CACNB2: variants seen among roughly 807,000 people sequenced by gnomAD.
The protein encoded by CACNB2 is voltage-dependent L-type calcium channel subunit beta-2.
CACNB2 carries 42 observed loss-of-function variants against 73.3 expected under a neutral mutation model. That is an observed-to-expected ratio of 0.57 (90% CI 0.45 to 0.74). CACNB2 has a LOEUF of 0.74. Ranked by LOEUF, CACNB2 falls within the 30% of genes least tolerant of loss-of-function variation. The pLI is 0.00. For missense variants in CACNB2, 940 were observed against 853.0 expected (o/e 1.10, Z -1.27); for synonymous variants, 348 against 310.3 (o/e 1.12, Z -1.28).
chr10:18,269,984 T>C (rs1302303813), intron 2 of CACNB2, among the ~76,000 whole-genome samples: 10 of 152,210 alleles, frequency 6.6e-5, no homozygotes, highest in Admixed American at 6.5e-4. Context: ...CAGGCTGTTA[T>C]TTTCTTCCCC....
At chr10:18,391,814 G>T (rs1046574188) in intron 2 of CACNB2, among the ~76,000 whole-genome samples, 1 of 150,144 alleles carries the variant, frequency 6.7e-6, no homozygotes, top group African/African-American at 2.5e-5. Flanking sequence ...TATAGTCCCA[G>T]CTACTCAGGA....
At chr10:18,440,878 C>G (rs992904994) in intron 3 of CACNB2, among the ~76,000 whole-genome samples, 1 of 152,104 alleles carries the variant, frequency 6.6e-6, no homozygotes, top group African/African-American at 2.4e-5. Context: ...GAGATGCAGG[C>G]CATGGGGAAG....
At chr10:18,331,508 C>CT (rs151152185) in intron 2 of CACNB2, among the ~76,000 whole-genome samples, 12,221 of 150,368 alleles carry the variant, frequency 0.081, 682 homozygotes, top group Non-Finnish European at 0.12. Context: ...TTTCTTCTGA[C>CT]TTTTTTTTAA....
intron 3 of CACNB2, among the ~76,000 whole-genome samples, chr10:18,421,888 C>G (rs1182669486): frequency 6.6e-6 from 1 of 152,108 alleles, no homozygotes. Context: ...CTCTCAGATA[C>G]TTGAGGAGAT....
intron 2 of CACNB2, among the ~76,000 whole-genome samples, chr10:18,249,462 TCTC>T (rs894888538): frequency 2.0e-5 from 3 of 152,144 alleles, no homozygotes; most frequent in Non-Finnish European, 4.4e-5. Flanking sequence ...CTTAAGAAAA[TCTC>T]CTTGAAAAAT....
intron 2 of CACNB2, among the ~76,000 whole-genome samples, chr10:18,275,196 C>G (rs981411723): frequency 6.6e-6 from 1 of 152,196 alleles, no homozygotes; most frequent in Non-Finnish European, 1.5e-5. Flanking sequence ...GCTCAGAGTT[C>G]CTACAGATAC....
intron 2 of CACNB2, among the ~76,000 whole-genome samples, chr10:18,398,868 G>C (rs557244159): frequency 1.3e-5 from 2 of 152,258 alleles, no homozygotes; most frequent in Admixed American, 6.5e-5. Context: ...TCATTGAAGA[G>C]ATTTTTGTTT....
Position 18,514,357 on chromosome 10 carries a change from C to T in CACNB2, c.792C>T (p.Pro264=), listed in dbSNP as rs778879250. ...CCCACTCCAAAGAGAAAAGAATGCCCTTCTTTAAGAAGGTAACATTAACTT... is the reference window on the plus strand; with the variant it reads ...CCCACTCCAAAGAGAAAAGAATGCCTTTCTTTAAGAAGGTAACATTAACTT... ...TSPHSKEKRM[P]FFKKTEHTPP... Residue 264 remains proline (P), a synonymous_variant, in exon 7 of 14, where the codon CCC becomes CCT. Coordinates refer to ENST00000324631, the MANE Select transcript of CACNB2 (RefSeq NM_201596.3). 1 of 1,614,102 alleles carries T rather than the reference C, an allele frequency of 6.2e-7. No individual in the cohort carries two copies. Among genetic ancestry groups the T allele is most frequent in the South Asian group, 1.1e-5 (1 of 91,084 alleles).
intron 3 of CACNB2, among the ~76,000 whole-genome samples, chr10:18,451,874 T>A (rs2047037953): frequency 6.6e-6 from 1 of 152,230 alleles, no homozygotes; most frequent in Admixed American, 6.5e-5. Flanking sequence ...TACATCTAGA[T>A]AGGGCTCTAT....
At chr10:18,409,704 G>A (rs1482458223) in intron 3 of CACNB2, among the ~76,000 whole-genome samples, 1 of 152,140 alleles carries the variant, frequency 6.6e-6, no homozygotes, top group Non-Finnish European at 1.5e-5. Flanking sequence ...ATTGGGGAGG[G>A]ACTGAAGAAC....
chr10:18,405,193 T>G (rs975550417), intron 3 of CACNB2, among the ~76,000 whole-genome samples: 3 of 152,212 alleles, frequency 2.0e-5, no homozygotes, highest in Non-Finnish European at 2.9e-5. Flanking sequence ...CAACCATCAC[T>G]ATAATCAGTT....
chr10:18,383,374 G>T (rs375928912), intron 2 of CACNB2, among the ~76,000 whole-genome samples: 1 of 152,332 alleles, frequency 6.6e-6, no homozygotes, highest in African/African-American at 2.4e-5. Context: ...GCAGAAGTGG[G>T]TATAAGCAGA....
chr10:18,497,978 C>T (rs192584551), intron 3 of CACNB2, among the ~76,000 whole-genome samples: 1 of 152,266 alleles, frequency 6.6e-6, no homozygotes, highest in Admixed American at 6.5e-5. Context: ...GGTAGCAAGG[C>T]AGTGACTAAG....
At chr10:18,233,291 A>G (rs969580800) in intron 2 of CACNB2, among the ~76,000 whole-genome samples, 1 of 152,096 alleles carries the variant, frequency 6.6e-6, no homozygotes, top group African/African-American at 2.4e-5. Context: ...TCTACAGTTT[A>G]TGCTTGAGGA....
chr10:18,351,621 G>A (rs1022191057), intron 2 of CACNB2, among the ~76,000 whole-genome samples: 1 of 152,146 alleles, frequency 6.6e-6, no homozygotes, highest in Non-Finnish European at 1.5e-5. Context: ...TGTACAAGCC[G>A]AGAGAAATAA....
At chr10:18,177,032 G>A (rs1263600397) in intron 2 of CACNB2, among the ~76,000 whole-genome samples, 1 of 152,126 alleles carries the variant, frequency 6.6e-6, no homozygotes, top group African/African-American at 2.4e-5. Context: ...GAGGGAAAGT[G>A]TTGTTTTCAC....
chr10:18,372,550 A>T (rs1012996055), intron 2 of CACNB2, among the ~76,000 whole-genome samples: 4 of 151,916 alleles, frequency 2.6e-5, no homozygotes, highest in African/African-American at 7.3e-5. Context: ...GGGATTACAG[A>T]TGTCCGCCAC....
intron 6 of CACNB2, among the ~76,000 whole-genome samples, chr10:18,511,215 T>C (rs2050760156): frequency 6.6e-6 from 1 of 152,174 alleles, no homozygotes; most frequent in Admixed American, 6.5e-5. Flanking sequence ...ACTGAATTAA[T>C]TCCATTATTA....
intron 11 of CACNB2, 85 bp from the exon 12 acceptor site, chr10:18,536,016 G>GCC (rs1028775194): frequency 1.3e-6 from 1 of 777,256 alleles, no homozygotes; most frequent in Non-Finnish European, 2.3e-6. Flanking sequence ...ATATAAAAAG[G>GCC]CCCCAGAGAA....
Sources: allele counts gnomAD v4.1 joint callset (sites outside exome capture counted in the v4.1 genomes callset), GRCh38; gene constraint gnomAD v4.1.1; transcripts MANE v1.5; gene names NCBI Gene and HGNC (gene_info 2026-07-23, HGNC 2026-07-21).